Variants in CNTNAP2 observed in about 807,000 individuals in gnomAD.
CNTNAP2 encodes the protein contactin-associated protein-like 2.
A neutral mutation model predicts 155.2 loss-of-function variants in CNTNAP2; 98 were observed. The ratio of observed to expected loss-of-function variants is 0.63; its 90% CI spans 0.54 to 0.75. The LOEUF is 0.75. CNTNAP2 is among the 30% of genes least tolerant of loss of function. The probability of loss-of-function intolerance (pLI) is 0.00; values close to 1 mark genes in which losing one functional copy is unlikely to be tolerated. For synonymous variants in CNTNAP2, 651 were observed against 631.2 expected (o/e 1.03, Z -0.47); for missense variants, 1,727 against 1,688.1 (o/e 1.02, Z -0.40).
At chr7:148,273,645 A>G (rs1452633655) in intron 21 of CNTNAP2, among the ~76,000 whole-genome samples, 1 of 152,212 alleles carries the variant, frequency 6.6e-6, no homozygotes, top group African/African-American at 2.4e-5. Flanking sequence ...AAAGAAGCTG[A>G]ATACTAATGC....
chr7:148,380,604 A>G (rs2071096115), intron 21 of CNTNAP2, among the ~76,000 whole-genome samples: 1 of 151,418 alleles, frequency 6.6e-6, no homozygotes, highest in African/African-American at 2.4e-5. Context: ...TTTCAAAGAG[A>G]AATTGAGACT....
intron 8 of CNTNAP2, among the ~76,000 whole-genome samples, chr7:147,156,284 T>C (rs1428128067): frequency 6.6e-6 from 1 of 152,194 alleles, no homozygotes; most frequent in Non-Finnish European, 1.5e-5. Context: ...ACTTTTGGTA[T>C]TACACAAATT....
At position 147,941,317 on chromosome 7, in the gene CNTNAP2, G is replaced by T. The variant is rs186239620; in HGVS notation, c.2256-36545G>T. Among the ~76,000 whole-genome samples, 156 of 152,278 alleles carry T rather than the reference G, an allele frequency of 1.0e-3. 1 individual carries two copies. The highest frequency in any genetic ancestry group is 3.7e-3 in the African/African-American group (153 of 41,564). Reference sequence around the variant, plus strand: ...TTACAAAGTAAACAAAATGGCAGCCGAGGGTGGGGATAGTTCACACCCTTA... The same window carrying T: ...TTACAAAGTAAACAAAATGGCAGCCTAGGGTGGGGATAGTTCACACCCTTA... On this transcript the variant is annotated intron_variant, in intron 14 of 23. Coordinates refer to ENST00000361727, the MANE Select transcript of CNTNAP2 (RefSeq NM_014141.6).
intron 13 of CNTNAP2, among the ~76,000 whole-genome samples, chr7:147,812,954 A>G (rs6464841): frequency 0.11 from 17,029 of 152,144 alleles, 1,255 homozygotes; most frequent in African/African-American, 0.21. Flanking sequence ...TATATTAAAG[A>G]CATCAGAATA....
At chr7:148,025,883 A>G (rs7789726) in intron 15 of CNTNAP2, among the ~76,000 whole-genome samples, 93 of 152,320 alleles carry the variant, frequency 6.1e-4, no homozygotes, top group African/African-American at 2.1e-3. Flanking sequence ...GTATTTTTGG[A>G]AATAATATAT....
At chr7:146,833,707 G>T (rs889811912) in intron 2 of CNTNAP2, among the ~76,000 whole-genome samples, 63 of 152,252 alleles carry the variant, frequency 4.1e-4, no homozygotes, top group African/African-American at 1.5e-3. Flanking sequence ...CAACCTTAAA[G>T]CAAGCTTTCT....
chr7:147,414,253 G>C (rs761033656), intron 10 of CNTNAP2, among the ~76,000 whole-genome samples: 1 of 151,700 alleles, frequency 6.6e-6, no homozygotes, highest in Non-Finnish European at 1.5e-5. Flanking sequence ...GCTGAAACCC[G>C]TGTCTGCTAA....
At chr7:148,210,282 A>G (rs995555407) in intron 18 of CNTNAP2, among the ~76,000 whole-genome samples, 3 of 152,186 alleles carry the variant, frequency 2.0e-5, no homozygotes, top group African/African-American at 7.2e-5. Context: ...CCTTTATTAT[A>G]TGTCTTAGAT....
At chr7:146,361,008 T>C (rs184390855) in intron 1 of CNTNAP2, among the ~76,000 whole-genome samples, 3 of 152,298 alleles carry the variant, frequency 2.0e-5, no homozygotes, top group African/African-American at 7.2e-5. Flanking sequence ...ATCGTGATGT[T>C]TAAGAACAGC....
chr7:147,153,895 T>C (rs899175122), intron 8 of CNTNAP2, among the ~76,000 whole-genome samples: 1 of 152,120 alleles, frequency 6.6e-6, no homozygotes, highest in Non-Finnish European at 1.5e-5. Context: ...TGTGTGGTAG[T>C]AGAAGAAGAG....
intron 15 of CNTNAP2, among the ~76,000 whole-genome samples, chr7:148,054,881 CTTT>C (rs372468541): frequency 1.5e-5 from 2 of 136,858 alleles, no homozygotes; most frequent in African/African-American, 2.7e-5. Flanking sequence ...TAATAGGAAT[CTTT>C]TTTTTTTTTT....
chr7:146,364,351 C>T (rs989093531), intron 1 of CNTNAP2, among the ~76,000 whole-genome samples: 1 of 152,140 alleles, frequency 6.6e-6, no homozygotes, highest in African/African-American at 2.4e-5. Context: ...CTAAGGCTGA[C>T]TTACAGAGTA....
At chr7:147,429,389 G>C (rs972133285) in intron 10 of CNTNAP2, among the ~76,000 whole-genome samples, 3 of 151,956 alleles carry the variant, frequency 2.0e-5, no homozygotes, top group Non-Finnish European at 4.4e-5. Flanking sequence ...CTTCTTTTGA[G>C]AATTGTGTAT....
At chr7:146,982,675 T>G (rs538398556) in intron 3 of CNTNAP2, among the ~76,000 whole-genome samples, 1 of 152,268 alleles carries the variant, frequency 6.6e-6, no homozygotes, top group African/African-American at 2.4e-5. Flanking sequence ...AAGATACTTA[T>G]GTATCTTCTG....
chr7:146,121,070 CTTCTAGACAAAAACTTACTCAAA>C (rs1797554155), intron 1 of CNTNAP2, among the ~76,000 whole-genome samples: 1 of 141,692 alleles, frequency 7.1e-6, no homozygotes, highest in African/African-American at 2.6e-5. Context: ...TTAGTAAATT[CTTCTAGACAAAAACTTACTCAAA>C]TGTCTTAAAG....
Position 148,415,894 on chromosome 7 carries a change from A to ACTAT in CNTNAP2, c.*281_*284dup. 1.8e-6 allele frequency: 1 copy of ACTAT among 560,782 alleles called. No homozygotes were observed. The highest frequency in any genetic ancestry group is 2.3e-5 in the South Asian group (1 of 43,974). 34.7% of individuals were successfully genotyped at this position (560,782 alleles called of 1,614,324 possible). A position where few individuals can be genotyped will look rare whatever the true frequency, so the allele number is the denominator to read the frequency against. On this transcript the variant is annotated 3_prime_UTR_variant, in exon 24 of 24. Transcript: ENST00000361727. ...TAAGCAATGGTTGAAATTTGTAGGT[A>ACTAT]CTATCTGTCTTATTTTGTGTGTGTT... is the stretch of plus-strand genomic sequence containing the variant.
chr7:146,470,373 T>C (rs1372150159), intron 1 of CNTNAP2, among the ~76,000 whole-genome samples: 2 of 152,156 alleles, frequency 1.3e-5, no homozygotes, highest in South Asian at 2.1e-4. Flanking sequence ...ACATCATTAA[T>C]GAAGGGCATA....
chr7:147,445,281 T>C (rs1797714510), intron 10 of CNTNAP2, among the ~76,000 whole-genome samples: 1 of 152,212 alleles, frequency 6.6e-6, no homozygotes, highest in Non-Finnish European at 1.5e-5. Context: ...ATCTTTTACT[T>C]TGGAATTTTA....
intron 8 of CNTNAP2, among the ~76,000 whole-genome samples, chr7:147,276,182 C>T (rs1281426709): frequency 6.6e-6 from 1 of 150,954 alleles, no homozygotes; most frequent in Non-Finnish European, 1.5e-5. Flanking sequence ...CAGAGTGATA[C>T]TAGTTTCATA....
Sources: gnomAD v4.1 joint callset for allele counts (sites outside exome capture counted in the v4.1 genomes callset) on GRCh38, gnomAD v4.1.1 for gene constraint, MANE v1.5 for transcripts, NCBI Gene and HGNC (gene_info 2026-07-23, HGNC 2026-07-21) for gene names.